The following SKAP2 variants were observed in gnomAD, a reference collection of about 807,000 sequenced individuals.
The protein encoded by SKAP2 is src kinase-associated phosphoprotein 2.
In SKAP2, 28 loss-of-function variants were observed where a neutral mutation model predicts 54.9. The observed-to-expected ratio is 0.51, with a 90% CI of 0.38 to 0.70. The LOEUF is 0.70. Among genes scored for constraint, SKAP2 ranks in the 30% least tolerant of loss-of-function variants. The probability of loss-of-function intolerance (pLI) is 0.00; values close to 1 mark genes in which losing one functional copy is unlikely to be tolerated. For synonymous variants in SKAP2, 137 were observed against 134.3 expected, an observed-to-expected ratio of 1.02 and a Z score of -0.14; for missense variants, 356 against 424.1, an observed-to-expected ratio of 0.84 and a Z score of 1.41.
intron 4 of SKAP2, among the ~76,000 whole-genome samples, chr7:26,750,393 C>T (rs1353929858): frequency 6.7e-6 from 1 of 148,922 alleles, no homozygotes; most frequent in Non-Finnish European, 1.5e-5. Context: ...CTCGCTGCAA[C>T]CTCCAACCAC....
At chr7:26,711,887 A>G (rs1200263750) in intron 9 of SKAP2, among the ~76,000 whole-genome samples, 3 of 152,172 alleles carry the variant, frequency 2.0e-5, no homozygotes, top group Non-Finnish European at 4.4e-5. Context: ...GTAATGATCC[A>G]GGTGAGAAAT....
chr7:26,765,521 T>C (rs1432043083), intron 4 of SKAP2, among the ~76,000 whole-genome samples: 1 of 152,222 alleles, frequency 6.6e-6, no homozygotes, highest in Admixed American at 6.5e-5. Context: ...GCTTTTGATG[T>C]TTAAGTCATA....
intron 4 of SKAP2, among the ~76,000 whole-genome samples, chr7:26,762,563 C>T (rs768080988): frequency 6.6e-6 from 1 of 151,984 alleles, no homozygotes; most frequent in African/African-American, 2.4e-5. Flanking sequence ...CCCAGCTAGG[C>T]GCGGTGGCTC....
At chr7:26,657,726 A>G in the SKAP2 span, among the ~76,000 whole-genome samples, 1 of 146,648 alleles carries the variant, frequency 6.8e-6, no homozygotes, top group South Asian at 2.1e-4. Context: ...AAAGAAAAAA[A>G]AAATCCCCGC....
At chr7:26,825,882 C>G (rs1161786626) in intron 4 of SKAP2, among the ~76,000 whole-genome samples, 1 of 152,122 alleles carries the variant, frequency 6.6e-6, no homozygotes, top group Non-Finnish European at 1.5e-5. Flanking sequence ...CTTTTATTCT[C>G]TCTATACACA....
chr7:26,715,050 T>A (rs1476472315), intron 9 of SKAP2, among the ~76,000 whole-genome samples: 1 of 152,222 alleles, frequency 6.6e-6, no homozygotes, highest in African/African-American at 2.4e-5. Flanking sequence ...TGTGAATATC[T>A]GACCTTCTGG....
chr7:26,747,813 C>A, intron 4 of SKAP2, among the ~76,000 whole-genome samples: 1 of 151,326 alleles, frequency 6.6e-6, no homozygotes, highest in Admixed American at 6.6e-5. Flanking sequence ...TTTCTCCTCC[C>A]TCTCCTCTCT....
At chr7:26,766,821 C>T (rs1783067199) in intron 4 of SKAP2, among the ~76,000 whole-genome samples, 1 of 152,154 alleles carries the variant, frequency 6.6e-6, no homozygotes, top group Admixed American at 6.5e-5. Flanking sequence ...ATGAAGCCGA[C>T]TTGATCATGG....
chr7:26,857,939 T>C (rs1188156825), intron 1 of SKAP2: 5 of 154,260 alleles, frequency 3.2e-5, no homozygotes, highest in Non-Finnish European at 7.1e-5. Flanking sequence ...AGGGTCGTGT[T>C]CCTCGGTTAA....
At chr7:26,862,925 T>C (rs1053065751) in intron 1 of SKAP2, among the ~76,000 whole-genome samples, 1 of 152,102 alleles carries the variant, frequency 6.6e-6, no homozygotes, top group Non-Finnish European at 1.5e-5. Flanking sequence ...GTTATTACAA[T>C]AATATTCTGA....
chr7:26,753,508 T>C (rs1408818471), intron 4 of SKAP2, among the ~76,000 whole-genome samples: 1 of 152,182 alleles, frequency 6.6e-6, no homozygotes, highest in Non-Finnish European at 1.5e-5. Context: ...CAGTACACAC[T>C]GAAAACAGAA....
At chr7:26,659,457 A>C in the SKAP2 span, among the ~76,000 whole-genome samples, 1 of 152,172 alleles carries the variant, frequency 6.6e-6, no homozygotes, top group Non-Finnish European at 1.5e-5. Flanking sequence ...CCAACACATA[A>C]AAATACAATT....
At chr7:26,829,054 G>A (rs1339871199) in intron 4 of SKAP2, among the ~76,000 whole-genome samples, 1 of 151,948 alleles carries the variant, frequency 6.6e-6, no homozygotes, top group Non-Finnish European at 1.5e-5. Flanking sequence ...TAAAGTACAA[G>A]TAATAAAAGA....
chr7:26,736,464 T>C (rs993623774), intron 6 of SKAP2, among the ~76,000 whole-genome samples: 6 of 152,358 alleles, frequency 3.9e-5, no homozygotes, highest in East Asian at 1.9e-4. Context: ...GTTCTGAGAA[T>C]TGCCAACCCC....
chr7:26,709,430 A>G (rs1787245413), intron 9 of SKAP2, among the ~76,000 whole-genome samples: 1 of 152,210 alleles, frequency 6.6e-6, no homozygotes, highest in Admixed American at 6.5e-5. Context: ...AGGAGTGAGC[A>G]GCCTGAATCT....
intron 9 of SKAP2, among the ~76,000 whole-genome samples, chr7:26,719,330 C>G (rs1196482223): frequency 6.6e-6 from 1 of 152,206 alleles, no homozygotes; most frequent in Admixed American, 6.5e-5. Context: ...GACTTCCCGT[C>G]TAACTCCAGG....
At chr7:26,856,041 G>A (rs567416013) in intron 1 of SKAP2, among the ~76,000 whole-genome samples, 20 of 152,206 alleles carry the variant, frequency 1.3e-4, no homozygotes, top group Middle Eastern at 3.4e-3. Flanking sequence ...CCTAGTATAT[G>A]TGATAGAATG....
chr7:26,842,223 A>G (rs1434062031), intron 4 of SKAP2, among the ~76,000 whole-genome samples: 3 of 151,734 alleles, frequency 2.0e-5, no homozygotes, highest in Non-Finnish European at 4.4e-5. Context: ...GAATTGCTTA[A>G]ACACTAATGA....
chr7:26,845,932 T>TA (rs1174500497), intron 3 of SKAP2, among the ~76,000 whole-genome samples: 1 of 151,514 alleles, frequency 6.6e-6, no homozygotes, highest in South Asian at 2.1e-4. Flanking sequence ...ACCCCATCTC[T>TA]AAAAAAAAAT....
Sources: allele counts gnomAD v4.1 joint callset (sites outside exome capture counted in the v4.1 genomes callset), GRCh38; gene constraint gnomAD v4.1.1; transcripts MANE v1.5; gene names NCBI Gene and HGNC (gene_info 2026-07-23, HGNC 2026-07-21).